ZEB1: variants seen among roughly 807,000 people sequenced by gnomAD.
The protein encoded by ZEB1 is zinc finger E-box binding homeobox 1.
A neutral mutation model predicts 84.9 loss-of-function variants in ZEB1; 21 were observed. The ratio of observed to expected loss-of-function variants is 0.25; its 90% CI spans 0.18 to 0.36. The LOEUF (loss-of-function observed/expected upper bound fraction) is 0.36, where lower values mean the gene tolerates loss of function less well. Ranked by LOEUF, ZEB1 falls within the 10% of genes least tolerant of loss-of-function variation. ZEB1 has a pLI of 1.00. For missense variants in ZEB1, 1,104 were observed against 1,330.2 expected, an observed-to-expected ratio of 0.83 and a Z score of 2.65; for synonymous variants, 420 against 471.1, an observed-to-expected ratio of 0.89 and a Z score of 1.41.
chr10:31,374,032 G>A (rs542038395), intron 1 of ZEB1, among the ~76,000 whole-genome samples: 1 of 151,700 alleles, frequency 6.6e-6, no homozygotes, highest in East Asian at 1.9e-4. Context: ...TAGGATCTTA[G>A]CAAGTTTGAA....
chr10:31,514,172 CT>C (rs1406767908), intron 5 of ZEB1, among the ~76,000 whole-genome samples: 1 of 152,056 alleles, frequency 6.6e-6, no homozygotes, highest in Non-Finnish European at 1.5e-5. Context: ...GGACCTTGTT[CT>C]GTTGAGTGAG....
At chr10:31,505,628 A>G (rs1172559347) in intron 4 of ZEB1, among the ~76,000 whole-genome samples, 1 of 150,462 alleles carries the variant, frequency 6.6e-6, no homozygotes, top group Non-Finnish European at 1.5e-5. Flanking sequence ...TTCATTTTTT[A>G]TTTGCATCTT....
chr10:31,380,581 G>T (rs1184763169), intron 1 of ZEB1, among the ~76,000 whole-genome samples: 3 of 152,156 alleles, frequency 2.0e-5, no homozygotes, highest in African/African-American at 7.2e-5. Flanking sequence ...TGTCATTAGG[G>T]TTTGCAAGAG....
At chr10:31,354,797 T>A (rs902097535) in intron 1 of ZEB1, among the ~76,000 whole-genome samples, 4 of 152,230 alleles carry the variant, frequency 2.6e-5, no homozygotes, top group Admixed American at 6.5e-5. Context: ...AAGTTCTGCA[T>A]GTATAATAAC....
intron 2 of ZEB1, among the ~76,000 whole-genome samples, chr10:31,466,319 C>T (rs1261022878): frequency 6.6e-6 from 1 of 152,120 alleles, no homozygotes; most frequent in Non-Finnish European, 1.5e-5. Flanking sequence ...GCACATTTTT[C>T]TCACTCAAAC....
chr10:31,519,946 C>T (rs971562447), intron 6 of ZEB1, among the ~76,000 whole-genome samples, 180 bp from the exon 7 acceptor site: 1 of 152,102 alleles, frequency 6.6e-6, no homozygotes, highest in Non-Finnish European at 1.5e-5. Context: ...TAGTTACTAG[C>T]GTTCATCACA....
At chr10:31,463,229 GTGAAAAAATC>G (rs1448119957) in intron 2 of ZEB1, among the ~76,000 whole-genome samples, 1 of 152,086 alleles carries the variant, frequency 6.6e-6, no homozygotes, top group African/African-American at 2.4e-5. Context: ...AGAAAGGAAG[GTGAAAAAATC>G]AGTGAACAGG....
chr10:31,448,927 G>A (rs1246432557), intron 1 of ZEB1, among the ~76,000 whole-genome samples: 1 of 152,242 alleles, frequency 6.6e-6, no homozygotes, highest in Non-Finnish European at 1.5e-5. Flanking sequence ...TCCTTGAGCT[G>A]TGGTGGGCTC....
chr10:31,407,342 G>A (rs1471974572), intron 1 of ZEB1, among the ~76,000 whole-genome samples: 7 of 147,248 alleles, frequency 4.8e-5, no homozygotes, highest in Non-Finnish European at 5.9e-5. Context: ...GAGAACATGC[G>A]GTGTTTGGTT....
At chr10:31,358,518 T>A (rs1276378687) in intron 1 of ZEB1, 1 of 152,160 alleles carries the variant, frequency 6.6e-6, no homozygotes, top group South Asian at 2.1e-4. Context: ...AAAGATAGTT[T>A]AGGAAAATAC....
At chr10:31,399,963 T>C (rs912291452) in intron 1 of ZEB1, among the ~76,000 whole-genome samples, 1 of 152,180 alleles carries the variant, frequency 6.6e-6, no homozygotes, top group African/African-American at 2.4e-5. Context: ...CCTGTATATC[T>C]ACAGGGATCA....
At chr10:31,449,155 G>A (rs1029232894) in intron 1 of ZEB1, among the ~76,000 whole-genome samples, 2 of 152,210 alleles carry the variant, frequency 1.3e-5, no homozygotes, top group Admixed American at 1.3e-4. Context: ...CGCAATATTC[G>A]GGTGGGAGTG....
rs987508154 is a variant in ZEB1 at position 31,528,472 on chromosome 10, C to A, written c.*1208C>A. On this transcript the variant is annotated 3_prime_UTR_variant, in exon 9 of 9. Coordinates refer to ENST00000424869, the MANE Select transcript of ZEB1 (RefSeq NM_001174096.2). ...TTCCAAATGTTAGTTATTATGGACC[C>A]AATTTATTAACAACATTAGCTGATT... 2.0e-5 allele frequency: 3 copies of A among 152,126 alleles called. No homozygotes were observed. The highest frequency in any genetic ancestry group is 2.9e-5 in the Non-Finnish European group (2 of 68,020). 9.4% of individuals were successfully genotyped at this position (152,126 alleles called of 1,614,324 possible).
intron 1 of ZEB1, among the ~76,000 whole-genome samples, chr10:31,392,485 TTA>T (rs1370245556): frequency 1.3e-5 from 2 of 152,172 alleles, no homozygotes; most frequent in African/African-American, 4.8e-5. Context: ...TAAGGGCATT[TTA>T]AGGTCTTTTT....
intron 4 of ZEB1, among the ~76,000 whole-genome samples, chr10:31,508,165 C>A (rs2069308180): frequency 6.6e-6 from 1 of 152,100 alleles, no homozygotes; most frequent in Non-Finnish European, 1.5e-5. Context: ...ATTCCTTGGG[C>A]CCTAGCAGTG....
chr10:31,357,445 G>A (rs1293143548), intron 1 of ZEB1, among the ~76,000 whole-genome samples: 3 of 152,076 alleles, frequency 2.0e-5, no homozygotes, highest in Admixed American at 6.5e-5. Flanking sequence ...AGAACATAGC[G>A]ATCTGAGTAC....
At chr10:31,511,614 T>A (rs1243426498) in intron 5 of ZEB1, among the ~76,000 whole-genome samples, 1 of 152,212 alleles carries the variant, frequency 6.6e-6, no homozygotes, top group Non-Finnish European at 1.5e-5. Flanking sequence ...GCCTTAATTC[T>A]AACTTTAAAA....
At chr10:31,360,812 T>A (rs991539269) in intron 1 of ZEB1, 1 of 680,652 alleles carries the variant, frequency 1.5e-6, no homozygotes, top group African/African-American at 1.8e-5. Context: ...ATATATACAC[T>A]TAAAGTAAAA....
intron 2 of ZEB1, among the ~76,000 whole-genome samples, chr10:31,464,102 T>A (rs1041103505): frequency 7.9e-5 from 12 of 152,116 alleles, no homozygotes; most frequent in Non-Finnish European, 1.5e-4. Flanking sequence ...GAATTTGAAA[T>A]TCAGAGGATA....
Sources: gnomAD v4.1 joint callset for allele counts (sites outside exome capture counted in the v4.1 genomes callset) on GRCh38, gnomAD v4.1.1 for gene constraint, MANE v1.5 for transcripts, NCBI Gene and HGNC (gene_info 2026-07-23, HGNC 2026-07-21) for gene names.